TNNT2: variants seen among roughly 807,000 people sequenced by gnomAD.
TNNT2 encodes troponin T, cardiac muscle.
A neutral mutation model predicts 62.4 loss-of-function variants in TNNT2; 34 were observed. The observed-to-expected ratio is 0.54, with a 90% CI of 0.41 to 0.72. The LOEUF (loss-of-function observed/expected upper bound fraction) is 0.72, where lower values mean the gene tolerates loss of function less well. Ranked by LOEUF, TNNT2 falls within the 30% of genes least tolerant of loss-of-function variation. The pLI is 0.00. For missense variants in TNNT2, 275 were observed against 381.9 expected, an observed-to-expected ratio of 0.72 and a Z score of 2.33; for synonymous variants, 123 against 127.2, an observed-to-expected ratio of 0.97 and a Z score of 0.22.
intron 12 of TNNT2, among the ~76,000 whole-genome samples, chr1:201,362,606 G>T (rs563632598): frequency 5.9e-5 from 9 of 152,326 alleles, no homozygotes; most frequent in Admixed American, 4.6e-4. Flanking sequence ...CAAAGTCTTG[G>T]CTGGTGTGGT....
intron 14 of TNNT2, 93 bp from the exon 15 acceptor site, chr1:201,361,462 C>G: frequency 8.3e-7 from 1 of 1,202,934 alleles, no homozygotes; most frequent in South Asian, 1.2e-5. Context: ...AGCATCCCAG[C>G]CCTCCTTCCC....
chr1:201,372,450 C>T (rs1310580480), intron 2 of TNNT2, among the ~76,000 whole-genome samples: 1 of 152,144 alleles, frequency 6.6e-6, no homozygotes, highest in African/African-American at 2.4e-5. Context: ...AAGCTGTACC[C>T]CTTTCTAGAA....
chr1:201,367,259 T>C (rs534122770), intron 7 of TNNT2: 30 of 396,718 alleles, frequency 7.6e-5, no homozygotes, highest in Non-Finnish European at 1.2e-4. Flanking sequence ...TGTTACCCCT[T>C]GGACTTCCCG....
At chr1:201,372,899 CTCAG>C in intron 2 of TNNT2, among the ~76,000 whole-genome samples, 2 of 152,294 alleles carry the variant, frequency 1.3e-5, no homozygotes, top group East Asian at 3.9e-4. Context: ...CTGAACCTTC[CTCAG>C]TCAGTTTCAG....
At chr1:201,366,727 C>T in intron 8 of TNNT2, 111 bp downstream of exon 8, 1 of 1,605,322 alleles carries the variant, frequency 6.2e-7, no homozygotes, top group Admixed American at 1.7e-5. Context: ...GTGCTCTGTG[C>T]CCACCAAACC....
chr1:201,373,583 C>G (rs1231637907), intron 1 of TNNT2: 1 of 418,188 alleles, frequency 2.4e-6, no homozygotes, highest in African/African-American at 2.0e-5. Flanking sequence ...TTTCCATCCA[C>G]TCTGCCCACC....
At chr1:201,364,676 G>C (rs1659340008) in intron 10 of TNNT2, among the ~76,000 whole-genome samples, 1 of 152,216 alleles carries the variant, frequency 6.6e-6, no homozygotes, top group African/African-American at 2.4e-5. Context: ...CCCTGCCCTG[G>C]CAGCTGCTCT....
Position 201,365,308 on chromosome 1 carries a change from C to G in TNNT2, c.295-1G>C, listed in dbSNP as rs113876817. 1.2e-6 allele frequency: 2 copies of G among 1,613,328 alleles called. No homozygotes were observed. Among genetic ancestry groups the G allele is most frequent in the Non-Finnish European group, 1.7e-6 (2 of 1,179,404 alleles). Reference sequence around the variant, plus strand: ...TCTCCATGCGCTTCCGGTGGATGTCCTGTGGGTGGACCGCTGCGGCTCAGA... The same window carrying G: ...TCTCCATGCGCTTCCGGTGGATGTCGTGTGGGTGGACCGCTGCGGCTCAGA... On this transcript the variant is annotated splice_acceptor_variant, in intron 9 of 16. Transcript: ENST00000656932. LOFTEE classifies it high-confidence loss of function.
intron 11 of TNNT2, 42 bp from the exon 12 acceptor site, chr1:201,363,448 G>C: frequency 1.3e-6 from 2 of 1,580,738 alleles, no homozygotes; most frequent in Admixed American, 1.7e-5. Flanking sequence ...TAGGGGAAAG[G>C]ATTGGAAACC....
rs45576337 is a variant in TNNT2, at chr1:201,359,430, C to T, written c.852-175G>A. On this transcript the variant is annotated intron_variant, in intron 16 of 16. Transcript: ENST00000656932. Reference sequence around the variant, plus strand: ...GGAAGCTTCTCCGCCCCACATTTCACCCCCACCAGCAAGCAGAGGCCACAG... The same window carrying T: ...GGAAGCTTCTCCGCCCCACATTTCATCCCCACCAGCAAGCAGAGGCCACAG... Among the ~76,000 whole-genome samples, 5 of 152,102 alleles carry T rather than the reference C, an allele frequency of 3.3e-5. No homozygotes were observed. The East Asian group carries it at 9.7e-4, about 30-fold the overall frequency.
intron 5 of TNNT2, 162 bp from the exon 6 acceptor site, chr1:201,368,389 G>A (rs2102285393): frequency 2.7e-6 from 2 of 749,906 alleles, no homozygotes; most frequent in East Asian, 5.6e-5. Flanking sequence ...TGCCATTCTT[G>A]GTTTTGACTG....
chr1:201,372,306 A>C, intron 2 of TNNT2, 151 bp from the exon 3 acceptor site: 3 of 1,136,420 alleles, frequency 2.6e-6, no homozygotes, highest in Admixed American at 2.0e-5. Context: ...TGCCCTGCCC[A>C]CCTTGCAATG....
chr1:201,374,919 C>T (rs946680385), intron 1 of TNNT2: 29 of 152,184 alleles, frequency 1.9e-4, no homozygotes, highest in Non-Finnish European at 2.8e-4. Flanking sequence ...TAAAGTGAGG[C>T]GGGAGAAGAA....
intron 12 of TNNT2, among the ~76,000 whole-genome samples, chr1:201,362,758 G>A (rs970154541): frequency 6.6e-6 from 1 of 152,190 alleles, no homozygotes; most frequent in African/African-American, 2.4e-5. Context: ...GAGGACCTAG[G>A]AGGAATGGGG....
chr1:201,371,543 T>C (rs1320982077), intron 4 of TNNT2, among the ~76,000 whole-genome samples: 2 of 152,216 alleles, frequency 1.3e-5, no homozygotes, highest in Non-Finnish European at 2.9e-5. Flanking sequence ...CTCTTAGAGA[T>C]ACGGTGTAGC....
intron 5 of TNNT2, 71 bp downstream of exon 5, chr1:201,369,745 C>A: frequency 1.3e-6 from 2 of 1,599,584 alleles, no homozygotes; most frequent in African/African-American, 1.3e-5. Flanking sequence ...CAGAACAGGG[C>A]CCCTGGACAA....
chr1:201,372,293 C>T (rs541086289), intron 2 of TNNT2, 138 bp from the exon 3 acceptor site: 53 of 1,262,018 alleles, frequency 4.2e-5, no homozygotes, highest in Non-Finnish European at 5.0e-5. Flanking sequence ...GTGGAGTCCA[C>T]GCTGCCCTGC....
intron 10 of TNNT2, 55 bp downstream of exon 10, chr1:201,365,136 A>T (rs1659413483): frequency 6.9e-7 from 1 of 1,459,488 alleles, no homozygotes; most frequent in Admixed American, 1.7e-5. Flanking sequence ...CACAAAAGGG[A>T]TGGAGGACAG....
chr1:201,374,495 A>T (rs1241941081), intron 1 of TNNT2: 3 of 152,184 alleles, frequency 2.0e-5, no homozygotes, highest in Non-Finnish European at 4.4e-5. Flanking sequence ...ACAAAAGGGG[A>T]AGGCATTAGG....
Sources: gnomAD v4.1 joint callset for allele counts (sites outside exome capture counted in the v4.1 genomes callset) on GRCh38, gnomAD v4.1.1 for gene constraint, MANE v1.5 for transcripts, NCBI Gene and HGNC (gene_info 2026-07-23, HGNC 2026-07-21) for gene names.